Variants in BLVRA observed in about 807,000 individuals in gnomAD.
BLVRA encodes the protein BVR A.
A neutral mutation model predicts 32.8 loss-of-function variants in BLVRA; 22 were observed. The ratio of observed to expected loss-of-function variants is 0.67; its 90% confidence interval spans 0.48 to 0.96. The LOEUF (loss-of-function observed/expected upper bound fraction) is 0.96, where lower values mean the gene tolerates loss of function less well. Ranked by LOEUF, BLVRA falls within the 40% of genes least tolerant of loss-of-function variation. The pLI is 0.00. For synonymous variants in BLVRA, 119 were observed against 141.3 expected, an observed-to-expected ratio of 0.84 and a Z score of 1.12; for missense variants, 323 against 358.1, an observed-to-expected ratio of 0.90 and a Z score of 0.79.
At chr7:43,780,928 A>G (rs774255844) in intron 2 of BLVRA, among the ~76,000 whole-genome samples, 5 of 152,204 alleles carry the variant, frequency 3.3e-5, no homozygotes, top group Admixed American at 2.6e-4. Flanking sequence ...GGGCGGATCA[A>G]CTGAGGTCAG....
intron 3 of BLVRA, among the ~76,000 whole-genome samples, chr7:43,790,016 G>T (rs1450989509): frequency 6.6e-6 from 1 of 152,128 alleles, no homozygotes; most frequent in Non-Finnish European, 1.5e-5. Context: ...TGCTGAAATT[G>T]AGCAATTTAG....
intron 1 of BLVRA, among the ~76,000 whole-genome samples, chr7:43,761,180 A>T (rs2095741859): frequency 6.6e-6 from 1 of 152,240 alleles, no homozygotes; most frequent in African/African-American, 2.4e-5. Flanking sequence ...ATATATACAC[A>T]CTGATATTTC....
In BLVRA at chr7:43,788,146, T is replaced by G; in HGVS notation, c.134+121T>G. 4 of 1,547,404 alleles carry G rather than the reference T, an allele frequency of 2.6e-6. No homozygotes were observed. The South Asian group carries it at 4.5e-5, about 17-fold the overall frequency. On this transcript the variant is annotated intron_variant, in intron 3 of 7. Coordinates refer to ENST00000265523, the MANE Select transcript of BLVRA (RefSeq NM_000712.4). ...AGAGCCATCTCCCAACTGAGAACTG[T>G]GCTTAGGGTCAGCCCCATAAGATCT...
chr7:43,760,209 C>T (rs917975526), intron 1 of BLVRA: 2 of 152,052 alleles, frequency 1.3e-5, no homozygotes, highest in African/African-American at 4.8e-5. Flanking sequence ...TTCTTTGTAC[C>T]CCCTGCCTAT....
chr7:43,805,282 C>CT (rs368451107), intron 7 of BLVRA, among the ~76,000 whole-genome samples: 2,799 of 138,802 alleles, frequency 0.02, 37 homozygotes, highest in African/African-American at 0.047. Context: ...CTCTCTCTCT[C>CT]TTTTTTTTTT....
chr7:43,793,942 GAAA>G (rs77958021), intron 5 of BLVRA, among the ~76,000 whole-genome samples: 3 of 139,114 alleles, frequency 2.2e-5, no homozygotes, highest in Non-Finnish European at 4.7e-5. Flanking sequence ...TTAATTACAA[GAAA>G]AAAAAAAAAA....
Position 43,761,510 on chromosome 7 carries a change from C to G in BLVRA, c.-22+2776C>G, listed in dbSNP as rs370647827. ...CCAAATTTGTTTCTAGAAAGGTAAA[C>G]TTGGTCAGTTACATGGTTCTTGTCT... On this transcript the variant is annotated intron_variant, in intron 1 of 7. Transcript: ENST00000265523. Among the ~76,000 whole-genome samples, 43 of 152,274 alleles carry G rather than the reference C, an allele frequency of 2.8e-4. No homozygotes were observed. In the South Asian group the frequency reaches 8.7e-3, roughly 31 times the overall value.
chr7:43,795,387 G>A (rs754262129), intron 5 of BLVRA, among the ~76,000 whole-genome samples: 4 of 151,714 alleles, frequency 2.6e-5, no homozygotes, highest in African/African-American at 4.8e-5. Context: ...GTGGTGGCGC[G>A]CACATATAGT....
chr7:43,797,230 G>A (rs2095793804), intron 5 of BLVRA, among the ~76,000 whole-genome samples: 1 of 152,200 alleles, frequency 6.6e-6, no homozygotes, highest in Non-Finnish European at 1.5e-5. Context: ...TGGGATTATA[G>A]GTGCACACCA....
chr7:43,800,480 A>G lies in BLVRA; in HGVS notation c.368A>G (p.Glu123Gly), dbSNP rs1238974595. The G allele has an allele frequency of 1.2e-6, 2 of 1,614,022 alleles. No individual in the cohort carries two copies. The highest frequency in any genetic ancestry group is 1.7e-6 in the Non-Finnish European group (2 of 1,179,982). Residue 123 changes from glutamate (E) to glycine (G), a missense_variant, in exon 6 of 8, where the codon GAG (glutamate) becomes GGG (glycine). Glu to Gly is a moderately conservative substitution (Grantham distance 98). Transcript: ENST00000265523. Reference sequence around the variant, plus strand: ...GTCGTTACAGGAAAAGTCTTGCACGAGGAGCATGTTGAACTCTTGATGGAG... The same window carrying G: ...GTCGTTACAGGAAAAGTCTTGCACGGGGAGCATGTTGAACTCTTGATGGAG... ...LAEQKGKVLH[E>G]EHVELLMEEF...
intron 1 of BLVRA, among the ~76,000 whole-genome samples, chr7:43,766,290 GAAA>G (rs56186712): frequency 1.1e-5 from 1 of 93,892 alleles, no homozygotes; most frequent in Non-Finnish European, 2.1e-5. Context: ...CTGTCTCAGG[GAAA>G]AAAAAAAAAA....
intron 5 of BLVRA, among the ~76,000 whole-genome samples, chr7:43,793,367 T>C (rs1297390188): frequency 6.6e-6 from 1 of 152,230 alleles, no homozygotes; most frequent in African/African-American, 2.4e-5. Flanking sequence ...GAAGTTAATT[T>C]GTGCCAGGTC....
At chr7:43,789,335 C>T (rs773727933) in intron 3 of BLVRA, among the ~76,000 whole-genome samples, 1 of 152,184 alleles carries the variant, frequency 6.6e-6, no homozygotes, top group Non-Finnish European at 1.5e-5. Context: ...GGGCCATCCT[C>T]TTCCGGCCTG....
At chr7:43,796,717 T>C (rs2095793253) in intron 5 of BLVRA, among the ~76,000 whole-genome samples, 1 of 152,150 alleles carries the variant, frequency 6.6e-6, no homozygotes, top group Non-Finnish European at 1.5e-5. Context: ...CTAATCAAAC[T>C]TAAAACCTTC....
intron 7 of BLVRA, 120 bp downstream of exon 7, chr7:43,803,967 C>G (rs1166522076): frequency 1.2e-5 from 14 of 1,169,160 alleles, no homozygotes; most frequent in Non-Finnish European, 1.7e-5. Flanking sequence ...GAAGGGCTGT[C>G]TGCTTCTGCA....
In BLVRA at chr7:43,807,004, A is replaced by G. The variant is rs7738; in HGVS notation, c.660A>G (p.Gly220=). The G allele has an allele frequency of 0.39, 628,911 of 1,613,470 alleles. 125,940 individuals carry two copies. The highest frequency in any genetic ancestry group is 0.55 in the African/African-American group (41,236 of 74,952). ...CACTGTCATGGATTGAAGAAAAAGG[A>G]CCTGGTCTAAAACGAAACAGATATT... ...KSPLSWIEEK[G]PGLKRNRYLS... is the part of the protein sequence containing the mutation. The change falls in exon 8 of 8, where the codon GGA becomes GGG. Residue 220 remains glycine (G), a synonymous_variant. Transcript: ENST00000265523.
intron 1 of BLVRA, among the ~76,000 whole-genome samples, chr7:43,770,526 G>A (rs1478865777): frequency 1.3e-5 from 2 of 152,128 alleles, no homozygotes; most frequent in African/African-American, 4.8e-5. Flanking sequence ...GTACATTAAA[G>A]TTGAGGACCC....
intron 1 of BLVRA, among the ~76,000 whole-genome samples, chr7:43,768,284 C>T (rs1054015132): frequency 2.0e-5 from 3 of 152,148 alleles, no homozygotes; most frequent in African/African-American, 7.2e-5. Context: ...GCCTATGACC[C>T]GTTTGACCGT....
chr7:43,787,642 G>A lies in BLVRA; in HGVS notation c.13-262G>A, dbSNP rs537727312. Among the ~76,000 whole-genome samples the A allele has an allele frequency of 6.6e-6, 1 of 152,256 alleles. No individual in the cohort carries two copies. The highest frequency in any genetic ancestry group is 2.1e-4 in the South Asian group (1 of 4,818). On this transcript the variant is annotated intron_variant, in intron 2 of 7. Coordinates refer to ENST00000265523, the MANE Select transcript of BLVRA (RefSeq NM_000712.4). The surrounding 1 kb of genome is among the most constrained non-coding windows in gnomAD (Gnocchi z 4.5). ...GTAGAAGTGGAGAGCCAAATTGGGG[G>A]AACACTTTCTGTGGGTACTCGGAAG...
Sources: gnomAD v4.1 joint callset for allele counts (sites outside exome capture counted in the v4.1 genomes callset) on GRCh38, gnomAD v4.1.1 for gene constraint, Gnocchi (gnomAD v3.1) non-coding constraint, MANE v1.5 for transcripts, NCBI Gene and HGNC (gene_info 2026-07-23, HGNC 2026-07-21) for gene names.